The following KANSL3 variants were observed in gnomAD, a reference collection of about 807,000 sequenced individuals.
KANSL3 encodes NSL complex protein NSL3.
KANSL3 carries 16 observed loss-of-function variants against 89.2 expected under a neutral mutation model. The ratio of observed to expected loss-of-function variants is 0.18; its 90% CI spans 0.12 to 0.27. The LOEUF (loss-of-function observed/expected upper bound fraction) is 0.27, where lower values mean the gene tolerates loss of function less well. Ranked by LOEUF, KANSL3 falls within the 10% of genes least tolerant of loss-of-function variation. The probability of loss-of-function intolerance (pLI) is 1.00; values close to 1 mark genes in which losing one functional copy is unlikely to be tolerated. For missense variants in KANSL3, 879 were observed against 1,110.6 expected, an observed-to-expected ratio of 0.79 and a Z score of 2.96; for synonymous variants, 385 against 419.7, an observed-to-expected ratio of 0.92 and a Z score of 1.01.
At chr2:96,630,174 A>G (rs2073126190) in intron 3 of KANSL3, among the ~76,000 whole-genome samples, 1 of 152,164 alleles carries the variant, frequency 6.6e-6, no homozygotes, top group African/African-American at 2.4e-5. Context: ...TCCCAGGTAT[A>G]TAACTAAGAG....
chr2:96,596,435 G>A (rs1474257520), intron 20 of KANSL3, among the ~76,000 whole-genome samples: 1 of 152,150 alleles, frequency 6.6e-6, no homozygotes, highest in East Asian at 1.9e-4. Flanking sequence ...TGCCTTATAG[G>A]CCCAGCTACT....
chr2:96,603,978 G>A (rs1044363517), intron 17 of KANSL3: 16 of 307,214 alleles, frequency 5.2e-5, no homozygotes, highest in Admixed American at 3.4e-4. Context: ...ATGTCCTATC[G>A]GCTATTTCTC....
chr2:96,608,551 A>G lies in KANSL3; in HGVS notation c.1698T>C (p.His566=), dbSNP rs1177467545. The part of the protein sequence containing the change: ...QIGSSQLLKR[H]VQRTEAVLTH... ...TCAGCACAGCTTCTGTCCGCTGCAC[A>G]TGTCTCTTCAGCAGCTGAGAACTTC... Residue 566 remains histidine (H), a synonymous_variant, in exon 14 of 21, where the codon CAT becomes CAC. Transcript: ENST00000431828. The G allele has an allele frequency of 6.2e-7, 1 of 1,613,994 alleles. No homozygotes were observed. The highest frequency in any genetic ancestry group is 1.1e-5 in the South Asian group (1 of 91,090).
At chr2:96,611,901 A>ATGTGTGTGTGTG (rs1491403979) in intron 9 of KANSL3, among the ~76,000 whole-genome samples, 27 of 31,774 alleles carry the variant, frequency 8.5e-4, no homozygotes, top group African/African-American at 2.8e-3. Context: ...ATATATACCC[A>ATGTGTGTGTGTG]TATGTGTGTG....
At chr2:96,630,669 T>C (rs1278712804) in intron 3 of KANSL3, among the ~76,000 whole-genome samples, 1 of 152,224 alleles carries the variant, frequency 6.6e-6, no homozygotes, top group Non-Finnish European at 1.5e-5. Flanking sequence ...CTGAATTGTA[T>C]GGTATGTAAA....
At chr2:96,602,061 C>G in intron 19 of KANSL3, 55 bp downstream of exon 19, 1 of 1,494,512 alleles carries the variant, frequency 6.7e-7, no homozygotes, top group Non-Finnish European at 9.1e-7. Flanking sequence ...ATGGGAAGGT[C>G]CTGGGGGAAA....
chr2:96,600,120 C>T (rs1307706815), intron 20 of KANSL3, among the ~76,000 whole-genome samples: 1 of 152,104 alleles, frequency 6.6e-6, no homozygotes, highest in African/African-American at 2.4e-5. Context: ...AAATACTAGC[C>T]AGCCTCTGAA....
chr2:96,601,893 G>A, intron 19 of KANSL3, 117 bp from the exon 20 acceptor site: 2 of 1,423,362 alleles, frequency 1.4e-6, no homozygotes, highest in African/African-American at 1.4e-5. Flanking sequence ...CTCCTCCCCA[G>A]CTGGGTCATC....
Position 96,608,864 on chromosome 2 carries a change from C to G in KANSL3, c.1584G>C (p.Glu528Asp). The change falls in exon 13 of 21, where the codon GAG becomes GAC. Residue 528 changes from glutamate to aspartate, a missense_variant and splice_region_variant. Transcript: ENST00000431828. ...AKLPASPSGS[E>D]DLSSVSSSPT... ...AGCGCTCCCTCCCTGCTCACACTAC[C>G]TCTGAGCCTGAGGGTGAGGCGGGCA... 1 of 1,575,430 alleles carries G rather than the reference C, an allele frequency of 6.3e-7. No individual in the cohort carries two copies. The highest frequency in any genetic ancestry group is 8.6e-7 in the Non-Finnish European group (1 of 1,160,738).
chr2:96,614,207 C>T (rs1384969724), intron 5 of KANSL3, among the ~76,000 whole-genome samples: 1 of 152,116 alleles, frequency 6.6e-6, no homozygotes, highest in African/African-American at 2.4e-5. Context: ...TTTCTTGTTT[C>T]TCAGCCTCCC....
At chr2:96,615,560 A>G in intron 5 of KANSL3, 1 of 1,264,840 alleles carries the variant, frequency 7.9e-7, no homozygotes, top group Non-Finnish European at 1.0e-6. Context: ...GGAAAGGAAA[A>G]ATGTTTAAAT....
At chr2:96,586,887 C>T in the KANSL3 span, among the ~76,000 whole-genome samples, 1 of 152,218 alleles carries the variant, frequency 6.6e-6, no homozygotes, top group Non-Finnish European at 1.5e-5. Context: ...ATCCCTTCTA[C>T]TTTTTATCCC....
chr2:96,631,742 A>AT (rs906808363), intron 2 of KANSL3, among the ~76,000 whole-genome samples: 14 of 149,522 alleles, frequency 9.4e-5, no homozygotes, highest in Admixed American at 2.0e-4. Context: ...ATAAACATCT[A>AT]TTTTTTTTTT....
chr2:96,637,748 T>C (rs747269168), intron 1 of KANSL3, among the ~76,000 whole-genome samples: 10 of 152,188 alleles, frequency 6.6e-5, no homozygotes, highest in Non-Finnish European at 8.8e-5. Flanking sequence ...AAGTACTTCG[T>C]AATATTCCAG....
chr2:96,609,630 G>C, intron 11 of KANSL3, 68 bp from the exon 12 acceptor site: 2 of 1,410,742 alleles, frequency 1.4e-6, no homozygotes, highest in East Asian at 2.3e-5. Flanking sequence ...AAATAAGAAC[G>C]TATTTCTTTT....
At chr2:96,589,198 C>T (rs2066258753), downstream of KANSL3, among the ~76,000 whole-genome samples, 1 of 152,136 alleles carries the variant, frequency 6.6e-6, no homozygotes, top group Non-Finnish European at 1.5e-5. Flanking sequence ...AAATGGCCAA[C>T]TTAAGGCCTA....
At chr2:96,602,962 T>G in intron 17 of KANSL3, 100 bp from the exon 18 acceptor site, 1 of 1,113,706 alleles carries the variant, frequency 9.0e-7, no homozygotes, top group South Asian at 1.4e-5. Flanking sequence ...AAAACACCAG[T>G]GGTGCTTGCC....
chr2:96,601,795 A>G lies in KANSL3; in HGVS notation c.2483-19T>C. 1 of 1,536,040 alleles carries G rather than the reference A, an allele frequency of 6.5e-7. No individual in the cohort carries two copies. On this transcript the variant is annotated intron_variant, in intron 19 of 20. Coordinates refer to ENST00000431828, the MANE Select transcript of KANSL3 (RefSeq NM_001115016.3). ...TTCAAGCCTGAGATAAAGAGAGAGA[A>G]GCAGAATTTTTGAGTCACACTCTCC...
the KANSL3 span, among the ~76,000 whole-genome samples, chr2:96,583,454 T>C: frequency 1.6e-4 from 25 of 152,356 alleles, no homozygotes; most frequent in Admixed American, 1.6e-3. Context: ...TCAATCATGA[T>C]CTGACTTCTA....
Sources: allele counts gnomAD v4.1 joint callset (sites outside exome capture counted in the v4.1 genomes callset), GRCh38; gene constraint gnomAD v4.1.1; transcripts MANE v1.5; gene names NCBI Gene and HGNC (gene_info 2026-07-23, HGNC 2026-07-21).